Variants in GABRA2 observed in about 807,000 individuals in gnomAD.
The protein encoded by GABRA2 is gamma-aminobutyric acid receptor subunit alpha-2.
In GABRA2, 16 loss-of-function variants were observed where a neutral mutation model predicts 48.7. The ratio of observed to expected loss-of-function variants is 0.33; its 90% CI spans 0.22 to 0.50. The LOEUF (loss-of-function observed/expected upper bound fraction) is 0.50, where lower values mean the gene tolerates loss of function less well. GABRA2 is among the 20% of genes least tolerant of loss of function. GABRA2 has a pLI of 0.98. For synonymous variants in GABRA2, 185 were observed against 184.5 expected (o/e 1.00, Z -0.02); for missense variants, 275 against 535.6 (o/e 0.51, Z 4.80).
intron 8 of GABRA2, among the ~76,000 whole-genome samples, chr4:46,290,194 G>A (rs1474224827): frequency 2.6e-5 from 4 of 151,442 alleles, no homozygotes; most frequent in Non-Finnish European, 2.9e-5. Context: ...GCCAGCCACC[G>A]CGCCCGGCCT....
intron 2 of GABRA2, among the ~76,000 whole-genome samples, 160 bp from the exon 3 acceptor site, chr4:46,386,349 CA>C (rs1239029113): frequency 6.6e-6 from 1 of 151,784 alleles, no homozygotes; most frequent in African/African-American, 2.4e-5. Flanking sequence ...GGTTTGTCTT[CA>C]AAAAAGGTAA....
intron 3 of GABRA2, among the ~76,000 whole-genome samples, chr4:46,374,169 G>GA (rs1715345782): frequency 1.3e-5 from 2 of 152,010 alleles, no homozygotes; most frequent in African/African-American, 4.8e-5. Flanking sequence ...GCATGTAACT[G>GA]AAAAAATTTG....
chr4:46,307,564 T>C (rs750480858), intron 6 of GABRA2, among the ~76,000 whole-genome samples: 10 of 152,232 alleles, frequency 6.6e-5, no homozygotes, highest in Middle Eastern at 6.8e-3. Context: ...GAGATACTGA[T>C]AGGCAGTGAC....
In GABRA2 at chr4:46,262,022, A is replaced by G. The variant is rs931234349; in HGVS notation, c.963T>C (p.Tyr321=). 2.5e-6 allele frequency: 4 copies of G among 1,613,882 alleles called. No homozygotes were observed. Among genetic ancestry groups the G allele is most frequent in the African/African-American group, 2.7e-5 (2 of 75,040 alleles). ...TAMDWFIAVC[Y]AFVFSALIEF... The stretch of plus-strand genomic sequence containing the variant: ...CAATTAGGGCAGAGAACACAAATGC[A>G]TAACAAACAGCAATAAACCAGTCCA... The change falls in exon 9 of 10, where the codon TAT becomes TAC. Residue 321 remains tyrosine (Y), a synonymous_variant. Transcript: ENST00000381620.
chr4:46,285,941 T>C (rs1175711060), intron 8 of GABRA2, among the ~76,000 whole-genome samples: 1 of 152,118 alleles, frequency 6.6e-6, no homozygotes, highest in Non-Finnish European at 1.5e-5. Context: ...CTCATGAATT[T>C]TAAAAATTAT....
At chr4:46,355,915 T>C (rs1048269365) in intron 3 of GABRA2, among the ~76,000 whole-genome samples, 16 of 152,230 alleles carry the variant, frequency 1.1e-4, no homozygotes, top group African/African-American at 3.8e-4. Context: ...CAAAATGTAG[T>C]CAAAACACTC....
In GABRA2 at chr4:46,245,088, G is replaced by A. The variant is rs1167855124; in HGVS notation, c.*5220C>T. Among the ~76,000 whole-genome samples, 3 of 151,174 alleles carry A rather than the reference G, an allele frequency of 2.0e-5. No individual in the cohort carries two copies. Among genetic ancestry groups the A allele is most frequent in the Non-Finnish European group, 3.0e-5 (2 of 67,482 alleles). Reference sequence around the variant, plus strand: ...TCCTATAATATATGTAAACTGGTATGTTGGTGTACTATATAGAAATCCTAG... The same window carrying A: ...TCCTATAATATATGTAAACTGGTATATTGGTGTACTATATAGAAATCCTAG... On this transcript the variant is annotated 3_prime_UTR_variant, in exon 10 of 10. Coordinates refer to ENST00000381620, the MANE Select transcript of GABRA2 (RefSeq NM_000807.4).
chr4:46,288,875 A>C (rs1723050520), intron 8 of GABRA2, among the ~76,000 whole-genome samples: 1 of 134,862 alleles, frequency 7.4e-6, no homozygotes, highest in Admixed American at 7.8e-5. Context: ...CAAGGAAAAA[A>C]AACAATGAAA....
chr4:46,292,634 A>C (rs1057328718), intron 8 of GABRA2, among the ~76,000 whole-genome samples: 3 of 152,168 alleles, frequency 2.0e-5, no homozygotes, highest in Admixed American at 2.0e-4. Context: ...CTAAGAGTTT[A>C]TTTGATTGTT....
At chr4:46,373,489 G>C (rs1252832567) in intron 3 of GABRA2, among the ~76,000 whole-genome samples, 2 of 152,080 alleles carry the variant, frequency 1.3e-5, no homozygotes, top group Non-Finnish European at 2.9e-5. Context: ...ACAGTAATAA[G>C]TCAACTTATG....
At chr4:46,371,703 A>G (rs1300111636) in intron 3 of GABRA2, among the ~76,000 whole-genome samples, 1 of 152,176 alleles carries the variant, frequency 6.6e-6, no homozygotes, top group African/African-American at 2.4e-5. Flanking sequence ...GGTCAGTCTT[A>G]TATTTACGAA....
At position 46,312,482 on chromosome 4, in the gene GABRA2, A is replaced by G. The variant is rs766955726; in HGVS notation, c.476+14T>C. On this transcript the variant is annotated intron_variant, in intron 5 of 9. Coordinates refer to ENST00000381620, the MANE Select transcript of GABRA2 (RefSeq NM_000807.4). ...TCAGTATATAAATACATCACATCAA[A>G]CCTAAAAACATACCTCATGGTATAC... 1.3e-6 allele frequency: 2 copies of G among 1,564,170 alleles called. No homozygotes were observed. Among genetic ancestry groups the G allele is most frequent in the Admixed American group, 3.4e-5 (2 of 58,162 alleles).
intron 8 of GABRA2, among the ~76,000 whole-genome samples, chr4:46,280,250 TA>T (rs1435806424): frequency 6.6e-6 from 1 of 151,910 alleles, no homozygotes; most frequent in Non-Finnish European, 1.5e-5. Flanking sequence ...GGTTGGAAAA[TA>T]GGTCTCTTTG....
intron 4 of GABRA2, among the ~76,000 whole-genome samples, chr4:46,325,137 C>T (rs1730130406): frequency 6.6e-6 from 1 of 151,916 alleles, no homozygotes; most frequent in East Asian, 1.9e-4. Context: ...TATAGTAGTT[C>T]TGTTTTAAGT....
At chr4:46,376,910 T>C (rs1300711170) in intron 3 of GABRA2, among the ~76,000 whole-genome samples, 1 of 151,992 alleles carries the variant, frequency 6.6e-6, no homozygotes, top group Non-Finnish European at 1.5e-5. Flanking sequence ...GGTTTTCCTA[T>C]TTTTTTGGTG....
intron 4 of GABRA2, among the ~76,000 whole-genome samples, chr4:46,330,101 A>G (rs542018019): frequency 6.6e-6 from 1 of 152,214 alleles, no homozygotes; most frequent in East Asian, 1.9e-4. Flanking sequence ...AATCAAAGTA[A>G]GTGGTTTTTT....
rs576320025 is a variant in GABRA2, at chr4:46,305,731, A to G, written c.560-20T>C. ...ATGCATCTATAGGAAATCAGAAAAA[A>G]TATTTTAAGCATTTTAGTAAGAACC... On this transcript the variant is annotated intron_variant, in intron 6 of 9. Coordinates refer to ENST00000381620, the MANE Select transcript of GABRA2 (RefSeq NM_000807.4). The G allele has an allele frequency of 5.7e-6, 9 of 1,577,182 alleles. No individual in the cohort carries two copies. The highest frequency in any genetic ancestry group is 3.4e-5 in the Admixed American group (2 of 58,258).
intron 8 of GABRA2, chr4:46,303,245 T>G: frequency 1.9e-6 from 1 of 520,554 alleles, no homozygotes; most frequent in Non-Finnish European, 3.4e-6. Context: ...AAGTGTGTTT[T>G]AAGAATATTT....
At chr4:46,250,807 T>G (rs924437231) in intron 9 of GABRA2, among the ~76,000 whole-genome samples, 2 of 151,602 alleles carry the variant, frequency 1.3e-5, no homozygotes, top group African/African-American at 4.8e-5. Flanking sequence ...AAATTAGTGG[T>G]ACCACTTTCT....
Sources: gnomAD v4.1 joint callset for allele counts (sites outside exome capture counted in the v4.1 genomes callset) on GRCh38, gnomAD v4.1.1 for gene constraint, MANE v1.5 for transcripts, NCBI Gene and HGNC (gene_info 2026-07-23, HGNC 2026-07-21) for gene names.